Variants in PTPRG observed in about 807,000 individuals in gnomAD.
The protein encoded by PTPRG is receptor-type tyrosine-protein phosphatase gamma.
In PTPRG, 102 loss-of-function variants were observed where a neutral mutation model predicts 165.3. The ratio of observed to expected loss-of-function variants is 0.62; its 90% confidence interval spans 0.53 to 0.73. PTPRG has a LOEUF of 0.73. Among genes scored for constraint, PTPRG ranks in the 30% least tolerant of loss-of-function variants. PTPRG has a pLI of 0.00. For missense variants in PTPRG, 1,866 were observed against 1,861.4 expected (o/e 1.00, Z -0.05); for synonymous variants, 675 against 669.5 (o/e 1.01, Z -0.13).
chr3:61,625,183 C>T (rs761601723), intron 1 of PTPRG, among the ~76,000 whole-genome samples: 2 of 151,628 alleles, frequency 1.3e-5, no homozygotes, highest in Non-Finnish European at 2.9e-5. Flanking sequence ...AGGTCACATT[C>T]GGAGATACTA....
At chr3:61,936,361 C>T (rs2039484728) in intron 2 of PTPRG, among the ~76,000 whole-genome samples, 1 of 152,136 alleles carries the variant, frequency 6.6e-6, no homozygotes, top group African/African-American at 2.4e-5. Context: ...GATTCAGTAC[C>T]AGGTGACTTG....
At chr3:61,952,033 A>G (rs2039911206) in intron 2 of PTPRG, among the ~76,000 whole-genome samples, 2 of 149,646 alleles carry the variant, frequency 1.3e-5, no homozygotes, top group South Asian at 4.3e-4. Context: ...CAGGAGAATC[A>G]CTTGAACCAG....
chr3:62,099,010 T>G (rs370260613), intron 5 of PTPRG, among the ~76,000 whole-genome samples: 10 of 152,250 alleles, frequency 6.6e-5, no homozygotes, highest in African/African-American at 2.2e-4. Flanking sequence ...TTGTTGTAAT[T>G]TAGAATTTAG....
At chr3:61,569,903 C>G (rs1700016494) in intron 1 of PTPRG, among the ~76,000 whole-genome samples, 1 of 152,192 alleles carries the variant, frequency 6.6e-6, no homozygotes, top group Non-Finnish European at 1.5e-5. Flanking sequence ...AAGGAGGTCT[C>G]TGCTTTCTCA....
chr3:61,590,832 A>C (rs1700551857), intron 1 of PTPRG, among the ~76,000 whole-genome samples: 1 of 152,126 alleles, frequency 6.6e-6, no homozygotes. Flanking sequence ...AATATGTTGC[A>C]GAGGTGCCAT....
intron 4 of PTPRG, among the ~76,000 whole-genome samples, chr3:62,036,059 A>G (rs1699927259): frequency 6.6e-6 from 1 of 151,000 alleles, no homozygotes; most frequent in Non-Finnish European, 1.5e-5. Flanking sequence ...AAAAAAAAAA[A>G]AATCCTGCCA....
chr3:61,652,217 G>A (rs2106987952), intron 1 of PTPRG, among the ~76,000 whole-genome samples: 1 of 152,194 alleles, frequency 6.6e-6, no homozygotes, highest in South Asian at 2.1e-4. Flanking sequence ...CTGAGGCAGA[G>A]AATTGCTTGA....
intron 8 of PTPRG, among the ~76,000 whole-genome samples, chr3:62,177,898 A>AT (rs1265411131): frequency 6.6e-6 from 1 of 152,206 alleles, no homozygotes; most frequent in African/African-American, 2.4e-5. Flanking sequence ...GCGATATGTG[A>AT]TTTTTCCCCC....
At chr3:62,047,229 C>G (rs868226347) in intron 4 of PTPRG, among the ~76,000 whole-genome samples, 2 of 129,162 alleles carry the variant, frequency 1.5e-5, no homozygotes, top group South Asian at 5.2e-4. Context: ...TTCTTTGTTT[C>G]ACTTGCTGAG....
At chr3:62,136,074 C>T (rs1703698853) in intron 6 of PTPRG, among the ~76,000 whole-genome samples, 1 of 152,124 alleles carries the variant, frequency 6.6e-6, no homozygotes, top group Non-Finnish European at 1.5e-5. Flanking sequence ...GGGGTGCACG[C>T]TTAAGAGTGG....
At chr3:61,997,194 T>C (rs927825633) in intron 3 of PTPRG, among the ~76,000 whole-genome samples, 4 of 152,200 alleles carry the variant, frequency 2.6e-5, no homozygotes, top group Non-Finnish European at 5.9e-5. Context: ...AGTGACTCTT[T>C]ACTGGATTAC....
In PTPRG at chr3:61,954,668, C is replaced by T. The variant is rs961215777; in HGVS notation, c.191-34957C>T. Among the ~76,000 whole-genome samples the T allele has an allele frequency of 3.9e-5, 6 of 152,166 alleles. No homozygotes were observed. In the South Asian group the frequency reaches 6.2e-4, roughly 16 times the overall value. On this transcript the variant is annotated intron_variant, in intron 2 of 29. Transcript: ENST00000474889. Reference sequence around the variant, plus strand: ...GAATTTAAGGTGAAGATTTGTCAGACACTGACACTTGTAAGATACTTCCCT... The same window carrying T: ...GAATTTAAGGTGAAGATTTGTCAGATACTGACACTTGTAAGATACTTCCCT...
At chr3:62,025,726 C>T (rs2041789861) in intron 4 of PTPRG, among the ~76,000 whole-genome samples, 1 of 152,014 alleles carries the variant, frequency 6.6e-6, no homozygotes, top group African/African-American at 2.4e-5. Flanking sequence ...TAAATGTTTT[C>T]ACATAAAGGC....
intron 5 of PTPRG, among the ~76,000 whole-genome samples, chr3:62,081,506 G>T (rs1055395190): frequency 2.0e-5 from 3 of 151,938 alleles, no homozygotes; most frequent in Non-Finnish European, 2.9e-5. Context: ...ACCATGTCCG[G>T]CTAATTTTCT....
At chr3:62,168,974 G>T (rs556791137) in intron 8 of PTPRG, among the ~76,000 whole-genome samples, 3 of 152,172 alleles carry the variant, frequency 2.0e-5, no homozygotes, top group Admixed American at 2.0e-4. Context: ...CCATTCGGTG[G>T]GCAGTCTCCT....
At chr3:61,977,331 C>G (rs1452207960) in intron 2 of PTPRG, among the ~76,000 whole-genome samples, 1 of 152,074 alleles carries the variant, frequency 6.6e-6, no homozygotes. Context: ...TGAGAATGTC[C>G]TGAGATCCAG....
chr3:62,103,141 A>C (rs754432511), intron 5 of PTPRG, among the ~76,000 whole-genome samples: 2 of 148,242 alleles, frequency 1.3e-5, no homozygotes, highest in African/African-American at 2.5e-5. Context: ...GTTCCTCATC[A>C]AGTTTTTTTT....
chr3:62,247,794 A>G (rs1701322935), intron 15 of PTPRG, among the ~76,000 whole-genome samples: 1 of 152,208 alleles, frequency 6.6e-6, no homozygotes, highest in African/African-American at 2.4e-5. Context: ...CCCAAAGCAT[A>G]CGTGGAATCA....
At chr3:61,976,112 C>A (rs766578157) in intron 2 of PTPRG, among the ~76,000 whole-genome samples, 1 of 152,144 alleles carries the variant, frequency 6.6e-6, no homozygotes, top group Admixed American at 6.5e-5. Context: ...GTGCAACTGA[C>A]ATGGATGCAT....
Sources: allele counts gnomAD v4.1 joint callset (sites outside exome capture counted in the v4.1 genomes callset), GRCh38; gene constraint gnomAD v4.1.1; transcripts MANE v1.5; gene names NCBI Gene and HGNC (gene_info 2026-07-23, HGNC 2026-07-21).